GOLGA8B: variants seen among roughly 807,000 people sequenced by gnomAD.
GOLGA8B encodes golgin subfamily A member 8B.
Under a neutral mutation model 15.6 loss-of-function variants are expected in GOLGA8B, and 1 was observed. The observed-to-expected ratio is 0.06, with a 90% confidence interval of 0.02 to 0.30. The LOEUF (loss-of-function observed/expected upper bound fraction) is 0.30, where lower values mean the gene tolerates loss of function less well. Ranked by LOEUF, GOLGA8B falls within the 10% of genes least tolerant of loss-of-function variation. GOLGA8B has a pLI of 1.00. For synonymous variants in GOLGA8B, 9 were observed against 80.3 expected (o/e 0.11, Z 4.75); for missense variants, 17 against 201.3 (o/e 0.08, Z 5.54).
chr15:34,542,739 C>CG (rs1263510230), intron 7 of GOLGA8B, among the ~76,000 whole-genome samples: 3 of 147,836 alleles, frequency 2.0e-5, no homozygotes, highest in African/African-American at 7.5e-5. Flanking sequence ...TAATGTATAC[C>CG]GGCATATCTT....
rs865832736 is a variant in GOLGA8B at position 34,571,380 on chromosome 15, A to G, written c.-1123+12136T>C. On this transcript the variant is annotated intron_variant, in intron 1 of 23. Transcript: ENST00000683415. ...GGAATATAGGAGAAAGGTTGGCGGA[A>G]AATGAAAAAAGAAGAGGAATGAAGA... 1.7e-3 allele frequency among the ~76,000 whole-genome samples: 255 copies of G among 152,226 alleles called. 1 individual carries two copies. The highest frequency in any genetic ancestry group is 5.2e-3 in the African/African-American group (217 of 41,486).
chr15:34,578,293 C>T (rs559808435), intron 1 of GOLGA8B, among the ~76,000 whole-genome samples: 12 of 152,358 alleles, frequency 7.9e-5, no homozygotes, highest in East Asian at 7.7e-4. Context: ...CAAGCTCCCA[C>T]GCCCTTTCCC....
intron 1 of GOLGA8B, among the ~76,000 whole-genome samples, chr15:34,573,429 C>T (rs571665267): frequency 7.2e-4 from 107 of 149,028 alleles, no homozygotes; most frequent in African/African-American, 2.6e-3. Flanking sequence ...CCCAGCTACT[C>T]GGGAGGCTGA....
At chr15:34,572,234 C>T (rs1467731131) in intron 1 of GOLGA8B, among the ~76,000 whole-genome samples, 1 of 152,250 alleles carries the variant, frequency 6.6e-6, no homozygotes, top group Non-Finnish European at 1.5e-5. Context: ...TGGTCACCAC[C>T]TGTCAAGAGA....
intron 1 of GOLGA8B, among the ~76,000 whole-genome samples, chr15:34,572,826 A>G (rs1888957738): frequency 6.6e-6 from 1 of 152,240 alleles, no homozygotes; most frequent in African/African-American, 2.4e-5. Context: ...ATATAGATCT[A>G]TCATATGTTA....
intron 1 of GOLGA8B, among the ~76,000 whole-genome samples, chr15:34,569,821 C>T (rs1032679872): frequency 8.0e-5 from 12 of 150,706 alleles, no homozygotes; most frequent in East Asian, 5.8e-4. Flanking sequence ...TCCTGCAGGG[C>T]GGACACTCCA....
chr15:34,572,722 A>C (rs529661720), intron 1 of GOLGA8B, among the ~76,000 whole-genome samples: 5 of 152,232 alleles, frequency 3.3e-5, no homozygotes, highest in African/African-American at 4.8e-5. Context: ...TCTATTCTAC[A>C]TGATGCATTT....
At chr15:34,577,007 T>C (rs1449006126) in intron 1 of GOLGA8B, among the ~76,000 whole-genome samples, 1 of 149,778 alleles carries the variant, frequency 6.7e-6, no homozygotes, top group East Asian at 1.9e-4. Flanking sequence ...CCACGTGCCC[T>C]TCTTGGGATG....
intron 1 of GOLGA8B, among the ~76,000 whole-genome samples, chr15:34,577,504 TCATACACACACACACA>T (rs1324115007): frequency 1.3e-3 from 127 of 100,698 alleles, no homozygotes; most frequent in Middle Eastern, 5.4e-3. Flanking sequence ...AAATTATATA[TCATACACACACACACA>T]CACACACACA....
At chr15:34,582,567 G>GT (rs1285103947) in intron 1 of GOLGA8B, among the ~76,000 whole-genome samples, 3 of 152,210 alleles carry the variant, frequency 2.0e-5, no homozygotes, top group Admixed American at 6.5e-5. Context: ...CTGCCAGGTC[G>GT]TATCTCAAGA....
chr15:34,573,919 G>A (rs1286136711), intron 1 of GOLGA8B, among the ~76,000 whole-genome samples: 2 of 151,286 alleles, frequency 1.3e-5, no homozygotes, highest in African/African-American at 4.9e-5. Context: ...GGAACTGGGG[G>A]AGGGCTTGGT....
chr15:34,578,010 T>A (rs1010410202), intron 1 of GOLGA8B, among the ~76,000 whole-genome samples: 3 of 152,240 alleles, frequency 2.0e-5, no homozygotes, highest in Admixed American at 2.0e-4. Flanking sequence ...ACCTCTGTCA[T>A]ATACGCTATC....
rs973801631 is a variant in GOLGA8B at position 34,527,442 on chromosome 15, C to T, written c.*190G>A. ...TGCTAAAGGATGCCAGAGTGAACAT[C>T]AGTGAGAGGCACAGAGACCCACTCT... On this transcript the variant is annotated 3_prime_UTR_variant, in exon 24 of 24. Transcript: ENST00000683415. 14 of 693,602 alleles carry T rather than the reference C, an allele frequency of 2.0e-5. No homozygotes were observed. In the African/African-American group the frequency reaches 2.7e-4, roughly 13 times the overall value. 43.0% of individuals were successfully genotyped at this position (693,602 alleles called of 1,614,324 possible). A position where few individuals can be genotyped will look rare whatever the true frequency, so the allele number is the denominator to read the frequency against.
chr15:34,567,697 GGAAA>G, intron 1 of GOLGA8B, among the ~76,000 whole-genome samples: 1 of 151,956 alleles, frequency 6.6e-6, no homozygotes, highest in East Asian at 1.9e-4. Context: ...GTGATACCCA[GGAAA>G]TGACGCACAC....
At chr15:34,567,821 G>A (rs1888806072) in intron 1 of GOLGA8B, among the ~76,000 whole-genome samples, 1 of 151,764 alleles carries the variant, frequency 6.6e-6, no homozygotes, top group African/African-American at 2.4e-5. Flanking sequence ...AGGCTGCATG[G>A]GTTGAGGCAC....
At chr15:34,578,010 T>C (rs1010410202) in intron 1 of GOLGA8B, among the ~76,000 whole-genome samples, 1 of 152,240 alleles carries the variant, frequency 6.6e-6, no homozygotes. Flanking sequence ...ACCTCTGTCA[T>C]ATACGCTATC....
At chr15:34,576,497 C>A (rs986434799) in intron 1 of GOLGA8B, among the ~76,000 whole-genome samples, 4 of 152,208 alleles carry the variant, frequency 2.6e-5, no homozygotes, top group African/African-American at 4.8e-5. Context: ...AACCACACAT[C>A]CCACCTGCAA....
chr15:34,577,507 TACACACACACACACAC>T lies in GOLGA8B; in HGVS notation c.-1123+5993_-1123+6008del, dbSNP rs71119972. ...ACCAAATGAAAAAAATTATATATCA[TACACACACACACACAC>T]ACACACACACACACACACACACACA... On this transcript the variant is annotated intron_variant, in intron 1 of 23. Transcript: ENST00000683415. 6.2e-3 allele frequency among the ~76,000 whole-genome samples: 775 copies of T among 125,300 alleles called. 6 individuals are homozygous for T. Among genetic ancestry groups the T allele is most frequent in the East Asian group, 0.039 (162 of 4,150 alleles). The allele number at this position is 125,300 out of a possible 152,430, so 82.2% of individuals were successfully genotyped here.
At position 34,526,187 on chromosome 15, in the gene GOLGA8B, T is replaced by C. The variant is rs1888050765; in HGVS notation, c.*1445A>G. ...GTGAGGAAATACAACTCTGCGATCG[T>C]ATAGACATGTTTCCTGATAATACAT... On this transcript the variant is annotated 3_prime_UTR_variant, in exon 24 of 24. Coordinates refer to ENST00000683415, the MANE Select transcript of GOLGA8B (RefSeq NM_001023567.5). The C allele has an allele frequency of 6.7e-6, 1 of 149,974 alleles. No individual in the cohort carries two copies. The highest frequency in any genetic ancestry group is 1.5e-5 in the Non-Finnish European group (1 of 67,270). The allele number at this position is 149,974 out of a possible 1,614,324, so 9.3% of individuals were successfully genotyped here.
Sources: allele counts gnomAD v4.1 joint callset (sites outside exome capture counted in the v4.1 genomes callset), GRCh38; gene constraint gnomAD v4.1.1; transcripts MANE v1.5; gene names NCBI Gene and HGNC (gene_info 2026-07-23, HGNC 2026-07-21).